The following RPS6KC1 variants were observed in gnomAD, a reference collection of about 807,000 sequenced individuals.
RPS6KC1 encodes inactive ribosomal protein S6 kinase delta-1.
In RPS6KC1, 54 loss-of-function variants were observed where a neutral mutation model predicts 103.8. The observed-to-expected ratio is 0.52, with a 90% CI of 0.42 to 0.65. The LOEUF is 0.65. RPS6KC1 is among the 30% of genes least tolerant of loss of function. RPS6KC1 has a pLI of 0.00. For synonymous variants in RPS6KC1, 439 were observed against 438.7 expected, an observed-to-expected ratio of 1.00 and a Z score of -0.01; for missense variants, 1,151 against 1,253.8, an observed-to-expected ratio of 0.92 and a Z score of 1.24.
the RPS6KC1 span, among the ~76,000 whole-genome samples, chr1:213,607,945 G>A: frequency 2.0e-5 from 3 of 152,110 alleles, no homozygotes; most frequent in African/African-American, 4.8e-5. Flanking sequence ...TCCATGGATC[G>A]TGGTGGGCTT....
At chr1:213,363,691 T>TCTC in the RPS6KC1 span, among the ~76,000 whole-genome samples, 6 of 72,608 alleles carry the variant, frequency 8.3e-5, no homozygotes, top group South Asian at 3.6e-4. Context: ...TCTTTCTTTC[T>TCTC]TTCTTTCTTT....
At chr1:213,629,276 G>T in the RPS6KC1 span, among the ~76,000 whole-genome samples, 3 of 151,958 alleles carry the variant, frequency 2.0e-5, no homozygotes, top group African/African-American at 7.3e-5. Context: ...CCTGTATTGG[G>T]TGCATATATA....
At chr1:213,233,719 A>G (rs2094156050) in intron 10 of RPS6KC1, among the ~76,000 whole-genome samples, 1 of 152,174 alleles carries the variant, frequency 6.6e-6, no homozygotes, top group Non-Finnish European at 1.5e-5. Flanking sequence ...GAAAATTTGT[A>G]TAATCTCTTA....
chr1:213,475,525 G>A, the RPS6KC1 span, among the ~76,000 whole-genome samples: 1 of 152,270 alleles, frequency 6.6e-6, no homozygotes, highest in South Asian at 2.1e-4. Context: ...GAAGTCTCAT[G>A]TGAAATTTCA....
chr1:213,832,932 G>A, the RPS6KC1 span, among the ~76,000 whole-genome samples: 8 of 152,240 alleles, frequency 5.3e-5, no homozygotes, highest in Middle Eastern at 6.8e-3. Context: ...TCCTAACTTA[G>A]CTGCAGCCTG....
the RPS6KC1 span, among the ~76,000 whole-genome samples, chr1:213,563,306 A>G: frequency 6.6e-6 from 1 of 151,954 alleles, no homozygotes. Context: ...TATCTTTTAT[A>G]TATCTTTTTT....
At chr1:213,457,224 A>G in the RPS6KC1 span, among the ~76,000 whole-genome samples, 1 of 152,292 alleles carries the variant, frequency 6.6e-6, no homozygotes, top group East Asian at 1.9e-4. Flanking sequence ...TCTTTGATCC[A>G]AGCTTTGCCT....
At chr1:213,075,843 C>T (rs560410532) in intron 2 of RPS6KC1, among the ~76,000 whole-genome samples, 1 of 152,262 alleles carries the variant, frequency 6.6e-6, no homozygotes, top group Admixed American at 6.5e-5. Context: ...CGGTGCCCTC[C>T]CCTTTTATTT....
At chr1:213,377,772 T>G in the RPS6KC1 span, among the ~76,000 whole-genome samples, 1 of 152,152 alleles carries the variant, frequency 6.6e-6, no homozygotes. Flanking sequence ...GAAATAAAAA[T>G]ATTCCTGCTC....
chr1:213,306,438 C>T, the RPS6KC1 span, among the ~76,000 whole-genome samples: 3 of 152,158 alleles, frequency 2.0e-5, no homozygotes, highest in Admixed American at 2.0e-4. Context: ...ATGATGAGAG[C>T]ATCCATTATG....
intron 6 of RPS6KC1, among the ~76,000 whole-genome samples, chr1:213,159,012 T>C (rs562006710): frequency 2.4e-4 from 36 of 152,174 alleles, no homozygotes; most frequent in Non-Finnish European, 3.8e-4. Context: ...TAGTGAGAAC[T>C]CAAGAAGGAC....
In RPS6KC1 at chr1:213,125,778, T is replaced by TC. The variant is rs1558371268; in HGVS notation, c.473-3748dup. 4 of 152,008 alleles carry TC rather than the reference T, an allele frequency of 2.6e-5. 1 individual carries two copies. The highest frequency in any genetic ancestry group is 1.3e-4 in the Admixed American group (2 of 15,232). The allele number at this position is 152,008 out of a possible 1,614,324, so 9.4% of individuals were successfully genotyped here. The stretch of plus-strand genomic sequence containing the variant: ...TCTTTCTCTCTAGGTATTTTAATGG[T>TC]CTTACTTTTTTGATCTAATCTCATT... On this transcript the variant is annotated intron_variant, in intron 5 of 14. Coordinates refer to ENST00000366960, the MANE Select transcript of RPS6KC1 (RefSeq NM_012424.6).
rs755429842 is a variant in RPS6KC1, at chr1:213,274,573, A to AT, written c.*1941dup. On this transcript the variant is annotated 3_prime_UTR_variant, in exon 15 of 15. Coordinates refer to ENST00000366960, the MANE Select transcript of RPS6KC1 (RefSeq NM_012424.6). The stretch of plus-strand genomic sequence containing the variant: ...TACATCATTCATAATTAGAATGGAC[A>AT]TTAATTATTTTAGTAATAAACACAG... 11 of 152,312 alleles carry AT rather than the reference A, an allele frequency of 7.2e-5. No homozygotes were observed. Among genetic ancestry groups the AT allele is most frequent in the Non-Finnish European group, 1.3e-4 (9 of 68,030 alleles). 9.4% of individuals were successfully genotyped at this position (152,312 alleles called of 1,614,324 possible).
At chr1:213,674,317 C>A in the RPS6KC1 span, among the ~76,000 whole-genome samples, 1 of 152,196 alleles carries the variant, frequency 6.6e-6, no homozygotes, top group East Asian at 1.9e-4. Flanking sequence ...CTGCACCTGG[C>A]TTGTACCATC....
chr1:213,244,655 C>A (rs1369455694), intron 12 of RPS6KC1, among the ~76,000 whole-genome samples: 2 of 152,180 alleles, frequency 1.3e-5, no homozygotes, highest in Non-Finnish European at 2.9e-5. Context: ...ATATTACATT[C>A]ATCAACAGAT....
chr1:213,591,456 C>T, the RPS6KC1 span, among the ~76,000 whole-genome samples: 1 of 152,156 alleles, frequency 6.6e-6, no homozygotes, highest in Non-Finnish European at 1.5e-5. Context: ...TACCTGATAC[C>T]CTACCCCAGC....
the RPS6KC1 span, among the ~76,000 whole-genome samples, chr1:213,415,123 A>G: frequency 6.6e-6 from 1 of 152,226 alleles, no homozygotes; most frequent in African/African-American, 2.4e-5. Context: ...CTATGAGCAA[A>G]GCTGTGCCAT....
At chr1:213,522,957 G>A in the RPS6KC1 span, among the ~76,000 whole-genome samples, 2 of 152,222 alleles carry the variant, frequency 1.3e-5, no homozygotes, top group Non-Finnish European at 2.9e-5. Context: ...CACAACTGGG[G>A]TAGCAGTTTG....
At chr1:213,224,283 A>G (rs564474368) in intron 8 of RPS6KC1, among the ~76,000 whole-genome samples, 19 of 152,330 alleles carry the variant, frequency 1.2e-4, no homozygotes, top group Non-Finnish European at 2.5e-4. Context: ...TCCTACTACT[A>G]TTATGACAGA....
Sources: allele counts gnomAD v4.1 joint callset (sites outside exome capture counted in the v4.1 genomes callset), GRCh38; gene constraint gnomAD v4.1.1; transcripts MANE v1.5; gene names NCBI Gene and HGNC (gene_info 2026-07-23, HGNC 2026-07-21).